CCDC88A: variants seen among roughly 807,000 people sequenced by gnomAD.
CCDC88A encodes the protein girdin.
A neutral mutation model predicts 234.3 loss-of-function variants in CCDC88A; 54 were observed. The observed-to-expected ratio is 0.23, with a 90% CI of 0.19 to 0.29. The LOEUF (loss-of-function observed/expected upper bound fraction) is 0.29. CCDC88A is among the 10% of genes least tolerant of loss of function. The probability of loss-of-function intolerance (pLI) is 1.00; values close to 1 mark genes in which losing one functional copy is unlikely to be tolerated. For missense variants in CCDC88A, 1,832 were observed against 2,123.4 expected (o/e 0.86, Z 2.70); for synonymous variants, 753 against 737.8 (o/e 1.02, Z -0.33).
At chr2:55,372,574 GA>G in intron 4 of CCDC88A, 64 bp from the exon 5 acceptor site, 4 of 800,258 alleles carry the variant, frequency 5.0e-6, no homozygotes, top group Non-Finnish European at 8.4e-6. Context: ...TATATTTGGA[GA>G]ATCACTTCTA....
intron 25 of CCDC88A, among the ~76,000 whole-genome samples, chr2:55,305,459 T>C (rs1452093822): frequency 6.6e-6 from 1 of 152,240 alleles, no homozygotes; most frequent in Admixed American, 6.5e-5. Flanking sequence ...CAGCAGAGAA[T>C]ATGAAATGAT....
chr2:55,308,381 T>C (rs1211054538), intron 25 of CCDC88A: 1 of 154,170 alleles, frequency 6.5e-6, no homozygotes, highest in Non-Finnish European at 1.4e-5. Flanking sequence ...TGTGACACCA[T>C]CAAAGTATAT....
intron 9 of CCDC88A, 146 bp from the exon 10 acceptor site, chr2:55,346,479 G>C: frequency 2.5e-6 from 1 of 407,126 alleles, no homozygotes; most frequent in Middle Eastern, 7.7e-4. Context: ...GAGTGCAATG[G>C]TGCAATCTCA....
intron 10 of CCDC88A, 99 bp downstream of exon 10, chr2:55,346,076 A>G (rs1001372139): frequency 1.3e-6 from 1 of 769,326 alleles, no homozygotes; most frequent in African/African-American, 1.8e-5. Flanking sequence ...CTGTTTGTTC[A>G]CCATTTCAAG....
At chr2:55,312,626 C>T (rs369990507) in intron 22 of CCDC88A, 47 bp from the exon 23 acceptor site, 1 of 1,379,408 alleles carries the variant, frequency 7.2e-7, no homozygotes, top group African/African-American at 1.4e-5. Context: ...TTACATTTAA[C>T]ATAAATCAAC....
intron 5 of CCDC88A, among the ~76,000 whole-genome samples, chr2:55,364,669 G>A (rs1246576410): frequency 3.3e-5 from 5 of 151,954 alleles, no homozygotes; most frequent in Non-Finnish European, 4.4e-5. Context: ...GAGTACACAC[G>A]TAACCAAATG....
chr2:55,296,753 G>C (rs1044996042), intron 29 of CCDC88A: 3 of 528,112 alleles, frequency 5.7e-6, no homozygotes, highest in Non-Finnish European at 1.0e-5. Flanking sequence ...AGCTCCATAA[G>C]GGCAAAGACT....
intron 23 of CCDC88A, among the ~76,000 whole-genome samples, chr2:55,312,024 T>C (rs1682410513): frequency 6.6e-6 from 1 of 152,178 alleles, no homozygotes; most frequent in Non-Finnish European, 1.5e-5. Context: ...GACTTTGTAT[T>C]GCAGCTCTCC....
rs1553419618 is a variant in CCDC88A at position 55,367,528 on chromosome 2, G to GTTTTTTTTGTTT, written c.403-3496_403-3495insAAACAAAAAAAA. Among the ~76,000 whole-genome samples, 8 of 99,888 alleles carry GTTTTTTTTGTTT rather than the reference G, an allele frequency of 8.0e-5. 1 individual carries two copies. Among genetic ancestry groups the GTTTTTTTTGTTT allele is most frequent in the Non-Finnish European group, 1.4e-4 (7 of 51,146 alleles). The allele number at this position is 99,888 out of a possible 152,430, so 65.5% of individuals were successfully genotyped here. On this transcript the variant is annotated intron_variant, in intron 5 of 32. Coordinates refer to ENST00000436346, the MANE Select transcript of CCDC88A (RefSeq NM_001365480.1). The stretch of plus-strand genomic sequence containing the variant: ...TTGCTAGAAATTGTTTTATTTCCTT[G>GTTTTTTTTGTTT]TTTTTTTTTAAGAGACTGGGTCTTG...
In CCDC88A at chr2:55,317,763, A is replaced by C. The variant is rs1458107492; in HGVS notation, c.3403T>G (p.Leu1135Val). Residue 1135 changes from leucine (L) to valine (V), a missense_variant, in exon 20 of 33, where the codon TTA becomes GTA. By Grantham distance (32) the Leu-to-Val change is conservative. This residue lies in a region of CCDC88A where 1,282 missense variants were observed against 1,543.6 expected (regional missense o/e 0.83). Coordinates refer to ENST00000436346, the MANE Select transcript of CCDC88A (RefSeq NM_001365480.1). This position sits in a 1 kb window ranked among gnomAD's most constrained non-coding sequence, Gnocchi z 4.2. ...NAQLLIQQSS[L>V]ENENESVIKE... is the part of the protein sequence containing the mutation. Reference sequence around the variant, plus strand: ...ATTACAGATTCATTTTCATTTTCTAAGGAAGACTGCTGGATTAGGAGTTGG... The same window carrying C: ...ATTACAGATTCATTTTCATTTTCTACGGAAGACTGCTGGATTAGGAGTTGG... The C allele has an allele frequency of 3.1e-6, 5 of 1,613,324 alleles. No individual in the cohort carries two copies. Among genetic ancestry groups the C allele is most frequent in the Non-Finnish European group, 4.2e-6 (5 of 1,179,478 alleles).
intron 2 of CCDC88A, among the ~76,000 whole-genome samples, chr2:55,397,945 G>T (rs1474934814): frequency 1.3e-5 from 2 of 151,876 alleles, no homozygotes; most frequent in African/African-American, 2.4e-5. Flanking sequence ...ATAATTCTGG[G>T]TATAAAAGGA....
intron 2 of CCDC88A, among the ~76,000 whole-genome samples, chr2:55,416,425 CAAATAAATAAATAAATAA>C (rs1681398183): frequency 2.2e-5 from 1 of 44,676 alleles, no homozygotes; most frequent in African/African-American, 6.7e-5. Context: ...GTGAAGAGGT[CAAATAAATAAATAAATAA>C]ATATATATAT....
In CCDC88A at chr2:55,339,473, G is replaced by A. The variant is rs543031661; in HGVS notation, c.1509C>T (p.Leu503=). 1.9e-6 allele frequency: 3 copies of A among 1,553,408 alleles called. No homozygotes were observed. The highest frequency in any genetic ancestry group is 2.3e-5 in the East Asian group (1 of 43,542). The change falls in exon 13 of 33, where the codon CTC becomes CTT. Residue 503 remains leucine, a synonymous_variant. Coordinates refer to ENST00000436346, the MANE Select transcript of CCDC88A (RefSeq NM_001365480.1). ...ILKMEKENQR[L]SKKVEILENE... ...CTACATTTTAATTTACCTTTTTACTGAGCCTTTGATTTTCTTTTTCCATTT... is the reference window on the plus strand; with the variant it reads ...CTACATTTTAATTTACCTTTTTACTAAGCCTTTGATTTTCTTTTTCCATTT...
Position 55,334,207 on chromosome 2 carries a change from CT to C in CCDC88A, c.2613del (p.Glu872LysfsTer12). 7.0e-7 allele frequency: 1 copy of C among 1,433,594 alleles called. No individual in the cohort carries two copies. The allele number at this position is 1,433,594 out of a possible 1,614,324, so 88.8% of individuals were successfully genotyped here. A position where few individuals can be genotyped will look rare whatever the true frequency, so the allele number is the denominator to read the frequency against. ...CAAGATTCTTTATATATACCAATTT[CT>C]TTGGATAGGGTTTTGTTTTCTTTTT... ...NLEKENKTLS[K>X]EIGIYKESCV... On this transcript the variant is annotated frameshift_variant, in exon 15 of 33. Coordinates refer to ENST00000436346, the MANE Select transcript of CCDC88A (RefSeq NM_001365480.1). LOFTEE classifies it high-confidence loss of function. The surrounding 1 kb of genome is among the most constrained non-coding windows in gnomAD (Gnocchi z 6.1).
chr2:55,323,738 G>C (rs542061422), intron 17 of CCDC88A: 26 of 152,218 alleles, frequency 1.7e-4, no homozygotes, highest in Admixed American at 9.2e-4. Flanking sequence ...TTGAGACATA[G>C]TCTCACTCTG....
intron 25 of CCDC88A, among the ~76,000 whole-genome samples, chr2:55,303,377 A>G (rs1260702461): frequency 6.6e-6 from 1 of 151,242 alleles, no homozygotes. Flanking sequence ...GAAGACAATG[A>G]TGAGGAACAT....
intron 29 of CCDC88A, among the ~76,000 whole-genome samples, chr2:55,299,575 A>G (rs774883835): frequency 2.6e-5 from 4 of 152,238 alleles, no homozygotes; most frequent in Non-Finnish European, 5.9e-5. Flanking sequence ...GGACATATAG[A>G]TAATTTTGAA....
At chr2:55,363,123 AT>A in intron 6 of CCDC88A, among the ~76,000 whole-genome samples, 1 of 152,102 alleles carries the variant, frequency 6.6e-6, no homozygotes. Flanking sequence ...TAAAGCAAGT[AT>A]GTCTCTATAA....
chr2:55,384,741 C>T (rs887830088), intron 3 of CCDC88A, among the ~76,000 whole-genome samples: 1 of 150,802 alleles, frequency 6.6e-6, no homozygotes, highest in Non-Finnish European at 1.5e-5. Flanking sequence ...ACTGTAACTT[C>T]TACCTCTCTG....
Sources: gnomAD v4.1 joint callset for allele counts (sites outside exome capture counted in the v4.1 genomes callset) on GRCh38, gnomAD v4.1.1 for gene constraint, gnomAD v4.1.1 regional missense constraint, Gnocchi (gnomAD v3.1) non-coding constraint, MANE v1.5 for transcripts, NCBI Gene and HGNC (gene_info 2026-07-23, HGNC 2026-07-21) for gene names.